The following STIM1 variants were observed in gnomAD, a reference collection of about 807,000 sequenced individuals.
STIM1 encodes stromal interaction molecule 1.
Under a neutral mutation model 74.7 loss-of-function variants are expected in STIM1, and 25 were observed. The observed-to-expected ratio is 0.33, with a 90% CI of 0.24 to 0.47. The LOEUF (loss-of-function observed/expected upper bound fraction) is 0.47, where lower values mean the gene tolerates loss of function less well. Among genes scored for constraint, STIM1 ranks in the 20% least tolerant of loss-of-function variants. The probability of loss-of-function intolerance (pLI) is 1.00; values close to 1 mark genes in which losing one functional copy is unlikely to be tolerated. For synonymous variants in STIM1, 328 were observed against 348.8 expected, an observed-to-expected ratio of 0.94 and a Z score of 0.66; for missense variants, 728 against 920.8, an observed-to-expected ratio of 0.79 and a Z score of 2.71.
chr11:4,007,513 G>C (rs61897234), intron 2 of STIM1, among the ~76,000 whole-genome samples: 5,748 of 152,204 alleles, frequency 0.038, 262 homozygotes, highest in East Asian at 0.19. Flanking sequence ...CCAGCTTGTG[G>C]CTGGGTAACT....
chr11:4,054,737 C>CGA (rs2133079955), intron 3 of STIM1, among the ~76,000 whole-genome samples: 1 of 152,174 alleles, frequency 6.6e-6, no homozygotes, highest in East Asian at 1.9e-4. Context: ...TGCTGTTTCA[C>CGA]ACACATCAAA....
intron 1 of STIM1, among the ~76,000 whole-genome samples, chr11:3,900,777 T>C (rs2092327718): frequency 2.0e-5 from 3 of 152,236 alleles, no homozygotes. Flanking sequence ...GTTCTCACTC[T>C]GTTGCCTAAG....
intron 1 of STIM1, among the ~76,000 whole-genome samples, chr11:3,896,202 C>T (rs2092168549): frequency 1.5e-5 from 2 of 137,596 alleles, no homozygotes; most frequent in South Asian, 4.4e-4. Context: ...CTGCACCTGG[C>T]CGGAATAGTG....
intron 1 of STIM1, among the ~76,000 whole-genome samples, chr11:3,916,300 T>A (rs534502642): frequency 0.061 from 9,236 of 151,780 alleles, 821 homozygotes; most frequent in African/African-American, 0.2. Context: ...TTTTTTTTTT[T>A]AATTGAGACA....
In STIM1 at chr11:3,977,979, C is replaced by G. The variant is rs563568385; in HGVS notation, c.270+10297C>G. Among the ~76,000 whole-genome samples, 31 of 152,212 alleles carry G rather than the reference C, an allele frequency of 2.0e-4. No homozygotes were observed. The South Asian group carries it at 6.2e-3, about 31-fold the overall frequency. Reference sequence around the variant, plus strand: ...ATTTAGCCATGGGAGCCACTCCCAGCAGTGTGCCTAACTTGACTAGGGCCA... The same window carrying G: ...ATTTAGCCATGGGAGCCACTCCCAGGAGTGTGCCTAACTTGACTAGGGCCA... On this transcript the variant is annotated intron_variant, in intron 2 of 12. Transcript: ENST00000526596.
chr11:3,911,731 G>A (rs1213582891), intron 1 of STIM1, among the ~76,000 whole-genome samples: 1 of 152,130 alleles, frequency 6.6e-6, no homozygotes, highest in African/African-American at 2.4e-5. Context: ...CATAGCTCCA[G>A]TGTCACCACT....
At chr11:3,971,116 C>T (rs1377218754) in intron 2 of STIM1, among the ~76,000 whole-genome samples, 1 of 152,028 alleles carries the variant, frequency 6.6e-6, no homozygotes, top group African/African-American at 2.4e-5. Context: ...TGGCTGACAC[C>T]TATAATCCCA....
At position 3,926,000 on chromosome 11, in the gene STIM1, G is replaced by A. The variant is rs577118383; in HGVS notation, c.140-41552G>A. Among the ~76,000 whole-genome samples the A allele has an allele frequency of 6.6e-5, 10 of 152,092 alleles. No individual in the cohort carries two copies. In the East Asian group the frequency reaches 9.6e-4, roughly 15 times the overall value. On this transcript the variant is annotated intron_variant, in intron 1 of 12. Transcript: ENST00000526596. ...TGTTTGAACCAATTAGATTGTTTTC[G>A]TCCTGTAATATAGCTCTCAGAGAGC...
intron 1 of STIM1, among the ~76,000 whole-genome samples, chr11:3,915,309 C>T (rs557269737): frequency 8.6e-5 from 13 of 151,936 alleles, no homozygotes; most frequent in Non-Finnish European, 1.9e-4. Flanking sequence ...AGGTGCATCT[C>T]GAATTCCCGG....
chr11:3,899,366 TG>T (rs2092281920), intron 1 of STIM1, among the ~76,000 whole-genome samples: 1 of 152,250 alleles, frequency 6.6e-6, no homozygotes, highest in African/African-American at 2.4e-5. Flanking sequence ...ACATTGATTT[TG>T]TATCCTGAGA....
At position 4,020,839 on chromosome 11, in the gene STIM1, G is replaced by C. The variant is rs2923950; in HGVS notation, c.271-3034G>C. 0.52 allele frequency among the ~76,000 whole-genome samples: 78,751 copies of C among 151,742 alleles called. 21,569 individuals carry two copies. Among genetic ancestry groups the C allele is most frequent in the East Asian group, 0.63 (3,259 of 5,142 alleles). On this transcript the variant is annotated intron_variant, in intron 2 of 12. Coordinates refer to ENST00000526596, the MANE Select transcript of STIM1 (RefSeq NM_001382567.1). ...GCTGGTCTCAAAATCCTGATCTCAA[G>C]TGATCCTCCCACTTTCGCTTCCCAA...
intron 1 of STIM1, among the ~76,000 whole-genome samples, chr11:3,921,125 G>T (rs533110410): frequency 1.3e-5 from 2 of 152,080 alleles, no homozygotes; most frequent in Non-Finnish European, 2.9e-5. Flanking sequence ...ATGCAAGGTG[G>T]TGGTCTCTAT....
intron 2 of STIM1, among the ~76,000 whole-genome samples, chr11:4,018,080 C>T (rs1032078956): frequency 1.3e-5 from 2 of 152,126 alleles, no homozygotes; most frequent in Admixed American, 6.6e-5. Flanking sequence ...TTTGGGAGGC[C>T]GAGACAGGTG....
At chr11:4,081,055 T>C in intron 7 of STIM1, among the ~76,000 whole-genome samples, 1 of 152,200 alleles carries the variant, frequency 6.6e-6, no homozygotes. Context: ...TCATTGCCTC[T>C]TAAAGGAATA....
intron 2 of STIM1, among the ~76,000 whole-genome samples, chr11:3,969,416 A>G (rs1023400554): frequency 5.3e-5 from 8 of 152,130 alleles, no homozygotes; most frequent in Non-Finnish European, 1.2e-4. Context: ...TAGGAGGTCG[A>G]GGCTGTGGTG....
chr11:3,937,239 C>T lies in STIM1; in HGVS notation c.140-30313C>T, dbSNP rs1386876136. On this transcript the variant is annotated intron_variant, in intron 1 of 12. Coordinates refer to ENST00000526596, the MANE Select transcript of STIM1 (RefSeq NM_001382567.1). ...CTAGGAGGCAGAAGTTGCAGTGAGC[C>T]GAGATGACACCACTGCACTCCATTC... Among the ~76,000 whole-genome samples the T allele has an allele frequency of 2.6e-5, 4 of 151,098 alleles. No individual in the cohort carries two copies. The East Asian group carries it at 5.8e-4, about 22-fold the overall frequency.
chr11:3,910,832 A>AG (rs1485735108), intron 1 of STIM1, among the ~76,000 whole-genome samples: 2 of 151,652 alleles, frequency 1.3e-5, no homozygotes, highest in Non-Finnish European at 2.9e-5. Context: ...AAAAAAAAAA[A>AG]AAAAATATCC....
intron 1 of STIM1, among the ~76,000 whole-genome samples, chr11:3,896,789 G>A (rs1157336348): frequency 6.6e-6 from 1 of 152,144 alleles, no homozygotes. Flanking sequence ...GCTTGCCTGG[G>A]TCTCATCACT....
At chr11:3,979,464 G>C (rs1016892354) in intron 2 of STIM1, among the ~76,000 whole-genome samples, 4 of 152,092 alleles carry the variant, frequency 2.6e-5, no homozygotes, top group African/African-American at 9.7e-5. Context: ...ATTTTTAAAA[G>C]AGTCAGGGTC....
Sources: gnomAD v4.1 joint callset for allele counts (sites outside exome capture counted in the v4.1 genomes callset) on GRCh38, gnomAD v4.1.1 for gene constraint, MANE v1.5 for transcripts, NCBI Gene and HGNC (gene_info 2026-07-23, HGNC 2026-07-21) for gene names.